FBXO7: variants seen among roughly 807,000 people sequenced by gnomAD.
The protein encoded by FBXO7 is F-box protein 7, also known as F-box only protein 7.
A neutral mutation model predicts 50.2 loss-of-function variants in FBXO7; 31 were observed. The observed-to-expected ratio is 0.62, with a 90% CI of 0.46 to 0.83. The LOEUF (loss-of-function observed/expected upper bound fraction) is 0.83, where lower values mean the gene tolerates loss of function less well. Among genes scored for constraint, FBXO7 ranks in the 40% least tolerant of loss-of-function variants. The pLI, the probability that FBXO7 is intolerant of heterozygous loss-of-function variation, is 0.00. For missense variants in FBXO7, 667 were observed against 646.6 expected, an observed-to-expected ratio of 1.03 and a Z score of -0.34; for synonymous variants, 256 against 253.1, an observed-to-expected ratio of 1.01 and a Z score of -0.11.
Position 32,498,223 on chromosome 22 carries a change from C to T in FBXO7, c.1262C>T (p.Thr421Ile), listed in dbSNP as rs2057588719. 3 of 1,614,222 alleles carry T rather than the reference C, an allele frequency of 1.9e-6. No homozygotes were observed. Among genetic ancestry groups the T allele is most frequent in the South Asian group, 2.2e-5 (2 of 91,090 alleles). The change falls in exon 9 of 9, where the codon ACC becomes ATC. Residue 421 changes from threonine to isoleucine, a missense_variant. By Grantham distance (89) the Thr-to-Ile change is moderately conservative. Coordinates refer to ENST00000266087, the MANE Select transcript of FBXO7 (RefSeq NM_012179.4). ...ATGCTCCTGCCATCGTCAACTCACA[C>T]CATTCCATTCTATCCCAACCCCTTG... ...FVMLLPSSTH[T>I]IPFYPNPLHP... is the part of the protein sequence containing the mutation.
chr22:32,498,509 T>C lies in FBXO7; in HGVS notation c.1548T>C (p.Asp516=), dbSNP rs767989259. ...PFRPSRGRPT[D]GRLSFM ...GACCCAGCAGGGGTCGGCCAACTGA[T>C]GGCCGGCTGTCATTCATGTGATTGA... The change falls in exon 9 of 9, where the codon GAT becomes GAC. Residue 516 remains aspartate (D), a synonymous_variant. Transcript: ENST00000266087. 1.2e-6 allele frequency: 2 copies of C among 1,613,830 alleles called. No individual in the cohort carries two copies. Among genetic ancestry groups the C allele is most frequent in the East Asian group, 2.2e-5 (1 of 44,890 alleles).
At chr22:32,475,638 G>A (rs1264376027) in intron 1 of FBXO7, 26 of 527,094 alleles carry the variant, frequency 4.9e-5, no homozygotes, top group Non-Finnish European at 3.2e-6. Context: ...AGCTTGTATC[G>A]CTGCTGTGAA....
intron 1 of FBXO7, among the ~76,000 whole-genome samples, chr22:32,477,540 G>T (rs1007614270): frequency 6.6e-6 from 1 of 152,124 alleles, no homozygotes; most frequent in African/African-American, 2.4e-5. Context: ...CTTGTTTAAC[G>T]TGGGCTTTTG....
intron 5 of FBXO7, 36 bp downstream of exon 5, chr22:32,487,864 T>C (rs754204710): frequency 7.8e-7 from 1 of 1,286,896 alleles, no homozygotes; most frequent in African/African-American, 1.5e-5. Context: ...GGGGTGAAAC[T>C]CTGTGAAATT....
intron 8 of FBXO7, 33 bp from the exon 9 acceptor site, chr22:32,498,111 T>C: frequency 6.2e-7 from 1 of 1,610,892 alleles, no homozygotes. Context: ...TCACTTACCT[T>C]ATCTTGTTCT....
intron 4 of FBXO7, among the ~76,000 whole-genome samples, chr22:32,486,799 C>T (rs1053224302): frequency 2.0e-5 from 3 of 152,194 alleles, no homozygotes; most frequent in African/African-American, 7.2e-5. Context: ...TCATAATTAG[C>T]AAATGTAGCT....
chr22:32,491,432 A>C (rs187095668), intron 6 of FBXO7: 23 of 421,502 alleles, frequency 5.5e-5, no homozygotes, highest in African/African-American at 3.9e-4. Context: ...CTTTCCACCT[A>C]AGGTTGGGAA....
intron 3 of FBXO7, 62 bp downstream of exon 3, chr22:32,484,186 C>A: frequency 6.9e-7 from 1 of 1,439,550 alleles, no homozygotes; most frequent in South Asian, 1.1e-5. Context: ...ATGGTTCCTG[C>A]TCTCAAGTTG....
chr22:32,487,194 A>G (rs1340111942), intron 4 of FBXO7: 1 of 153,116 alleles, frequency 6.5e-6, no homozygotes, highest in African/African-American at 2.4e-5. Flanking sequence ...CTTGGTGCAC[A>G]TGTGCATAAG....
chr22:32,495,855 T>C (rs2057570906), intron 8 of FBXO7, among the ~76,000 whole-genome samples: 1 of 152,206 alleles, frequency 6.6e-6, no homozygotes, highest in African/African-American at 2.4e-5. Flanking sequence ...GAAAAGAATA[T>C]ATTGTATTGT....
chr22:32,486,438 G>A (rs1048480320), intron 4 of FBXO7, among the ~76,000 whole-genome samples: 1 of 152,008 alleles, frequency 6.6e-6, no homozygotes, highest in Non-Finnish European at 1.5e-5. Flanking sequence ...GGCTCAAGCA[G>A]TCTTCCTCCT....
rs374996611 is a variant in FBXO7, at chr22:32,487,737, A to C, written c.788-8A>C. ...ATTCTTTATCATCTTTCTTTTGTTT[A>C]TTTACAGCTACACTAAAAATCAACA... On this transcript the variant is annotated splice_region_variant and splice_polypyrimidine_tract_variant and intron_variant, in intron 4 of 8. Transcript: ENST00000266087. 6.3e-7 allele frequency: 1 copy of C among 1,577,934 alleles called. No individual in the cohort carries two copies. Among genetic ancestry groups the C allele is most frequent in the African/African-American group, 1.3e-5 (1 of 74,310 alleles).
At chr22:32,495,379 T>TC in intron 7 of FBXO7, 114 bp from the exon 8 acceptor site, 1 of 643,172 alleles carries the variant, frequency 1.6e-6, no homozygotes, top group East Asian at 2.9e-5. Flanking sequence ...TTTTTTTTTT[T>TC]TTTTATGCTT....
rs1282402408 is a variant in FBXO7 at position 32,487,746 on chromosome 22, T to C, written c.789T>C (p.Ala263=). The C allele has an allele frequency of 6.3e-7, 1 of 1,592,772 alleles. No homozygotes were observed. Among genetic ancestry groups the C allele is most frequent in the Non-Finnish European group, 8.6e-7 (1 of 1,161,546 alleles). The change falls in exon 5 of 9, where the codon GCT becomes GCC. Residue 263 remains alanine (A), a splice_region_variant and synonymous_variant. Transcript: ENST00000266087. ...CATCTTTCTTTTGTTTATTTACAGCTACACTAAAAATCAACAATGAGATTA... is the reference window on the plus strand; with the variant it reads ...CATCTTTCTTTTGTTTATTTACAGCCACACTAAAAATCAACAATGAGATTA... ...VPLGNLIVVN[A]TLKINNEIRS... is the part of the protein sequence containing the mutation.
intron 3 of FBXO7, among the ~76,000 whole-genome samples, chr22:32,484,730 C>T (rs1601508539): frequency 1.3e-5 from 2 of 152,008 alleles, no homozygotes; most frequent in South Asian, 2.1e-4. Flanking sequence ...AAAGGCTTTA[C>T]GGAGGAAGTG....
rs2057569891 is a variant in FBXO7, at chr22:32,495,711, A to T, written c.1182+181A>T. On this transcript the variant is annotated intron_variant, in intron 8 of 8. Coordinates refer to ENST00000266087, the MANE Select transcript of FBXO7 (RefSeq NM_012179.4). ...TTTAGACTCAATCCTTATTATAATTATATGGAAAAAAATGTTATCATTGTG... is the reference window on the plus strand; with the variant it reads ...TTTAGACTCAATCCTTATTATAATTTTATGGAAAAAAATGTTATCATTGTG... Among the ~76,000 whole-genome samples the T allele has an allele frequency of 2.0e-5, 3 of 152,338 alleles. No homozygotes were observed. The East Asian group carries it at 5.8e-4, about 29-fold the overall frequency.
At chr22:32,478,563 C>T (rs542053618) in intron 1 of FBXO7, among the ~76,000 whole-genome samples, 5 of 152,162 alleles carry the variant, frequency 3.3e-5, no homozygotes, top group Admixed American at 2.0e-4. Context: ...ATAATTTTCT[C>T]AAAACTATAA....
chr22:32,480,762 C>G (rs548598546), intron 2 of FBXO7, among the ~76,000 whole-genome samples: 1 of 151,810 alleles, frequency 6.6e-6, no homozygotes, highest in Non-Finnish European at 1.5e-5. Context: ...CCTACCCTTC[C>G]GGGGTCAAGC....
At position 32,498,124 on chromosome 22, in the gene FBXO7, T is replaced by C. The variant is rs774108382; in HGVS notation, c.1183-20T>C. ...GATCACTTACCTTATCTTGTTCTTT[T>C]ATTTTTCTTTTTTCTACAGCTGTAC... On this transcript the variant is annotated intron_variant, in intron 8 of 8. Transcript: ENST00000266087. 15 of 1,613,884 alleles carry C rather than the reference T, an allele frequency of 9.3e-6. No individual in the cohort carries two copies. The South Asian group carries it at 1.6e-4, about 18-fold the overall frequency.
Sources: gnomAD v4.1 joint callset for allele counts (sites outside exome capture counted in the v4.1 genomes callset) on GRCh38, gnomAD v4.1.1 for gene constraint, MANE v1.5 for transcripts, NCBI Gene and HGNC (gene_info 2026-07-23, HGNC 2026-07-21) for gene names.